Variants in E2F2 observed in about 807,000 individuals in gnomAD.
The protein encoded by E2F2 is E2F transcription factor 2.
Under a neutral mutation model 42.2 loss-of-function variants are expected in E2F2, and 22 were observed. That is an observed-to-expected ratio of 0.52 (90% CI 0.37 to 0.74). The LOEUF is 0.74. E2F2 is among the 30% of genes least tolerant of loss of function. E2F2 has a pLI of 0.00. For missense variants in E2F2, 481 were observed against 557.8 expected (o/e 0.86, Z 1.39); for synonymous variants, 248 against 251.6 (o/e 0.99, Z 0.13).
intron 5 of E2F2, among the ~76,000 whole-genome samples, chr1:23,516,749 C>T (rs1264649768): frequency 7.5e-6 from 1 of 133,974 alleles, no homozygotes; most frequent in African/African-American, 2.9e-5. Flanking sequence ...CTTGATTTTC[C>T]TGTGGGAAAT....
chr1:23,521,087 C>A lies in E2F2; in HGVS notation c.579-16G>T. ...TCCCCTGCCTCTGGGAACAGAGCAG[C>A]CCCCCAGTGTCAGTCTGTGGGTGAA... On this transcript the variant is annotated splice_polypyrimidine_tract_variant and intron_variant, in intron 3 of 6. Coordinates refer to ENST00000361729, the MANE Select transcript of E2F2 (RefSeq NM_004091.4). The A allele has an allele frequency of 6.3e-7, 1 of 1,598,074 alleles. No individual in the cohort carries two copies. The highest frequency in any genetic ancestry group is 1.8e-5 in the Admixed American group (1 of 57,140).
At chr1:23,505,678 ATTTAT>A (rs773241078), downstream of E2F2, among the ~76,000 whole-genome samples, 12 of 151,936 alleles carry the variant, frequency 7.9e-5, no homozygotes, top group East Asian at 1.9e-4. Context: ...ATGCCCGCTA[ATTTAT>A]TTTATTTTTT....
chr1:23,515,704 T>C (rs1643004719), intron 6 of E2F2, among the ~76,000 whole-genome samples: 1 of 151,332 alleles, frequency 6.6e-6, no homozygotes, highest in Non-Finnish European at 1.5e-5. Context: ...AAAATTTTAT[T>C]CTTATTTTTA....
Position 23,522,034 on chromosome 1 carries a change from C to G in E2F2, c.381G>C (p.Lys127Asn). ...GCCCCAGCGAAGTGTCATACCGAGT[C>G]TTCTCCCCGGGGGATTTGGGGGCTG... is the stretch of plus-strand genomic sequence containing the variant. ...SPKTPKSPGE[K>N]TRYDTSLGLL... The change falls in exon 3 of 7, where the codon AAG becomes AAC. Residue 127 changes from lysine (K) to asparagine (N), a missense_variant. Lys to Asn is a moderately conservative substitution (Grantham distance 94, BLOSUM62 0). Transcript: ENST00000361729. 6.2e-7 allele frequency: 1 copy of G among 1,614,162 alleles called. No homozygotes were observed. Among genetic ancestry groups the G allele is most frequent in the African/African-American group, 1.3e-5 (1 of 75,042 alleles).
intron 3 of E2F2, among the ~76,000 whole-genome samples, 189 bp from the exon 4 acceptor site, chr1:23,521,260 A>C (rs901910592): frequency 6.6e-6 from 1 of 151,868 alleles, no homozygotes; most frequent in Non-Finnish European, 1.5e-5. Flanking sequence ...ACAAGTCAAG[A>C]CCTGAACCCC....
chr1:23,512,052 G>A (rs886578489), intron 6 of E2F2, among the ~76,000 whole-genome samples: 5 of 152,036 alleles, frequency 3.3e-5, no homozygotes, highest in Admixed American at 6.6e-5. Flanking sequence ...ACAGAAATTC[G>A]CTGGGTATGG....
At chr1:23,516,867 T>C (rs925537366) in intron 5 of E2F2, among the ~76,000 whole-genome samples, 4 of 148,430 alleles carry the variant, frequency 2.7e-5, no homozygotes, top group African/African-American at 1.0e-4. Context: ...GGAAAGTTAG[T>C]GTGACATGAT....
intron 2 of E2F2, among the ~76,000 whole-genome samples, chr1:23,524,091 A>T (rs1483144536): frequency 3.3e-5 from 4 of 123,008 alleles, no homozygotes; most frequent in African/African-American, 1.3e-4. Flanking sequence ...AACAACAACA[A>T]CAACAACAAC....
At chr1:23,514,334 C>T (rs1642973024) in intron 6 of E2F2, among the ~76,000 whole-genome samples, 1 of 151,934 alleles carries the variant, frequency 6.6e-6, no homozygotes, top group Admixed American at 6.6e-5. Flanking sequence ...GGGAGGTGTC[C>T]CAAGGGACAG....
intron 2 of E2F2, 151 bp from the exon 3 acceptor site, chr1:23,522,207 T>A: frequency 1.4e-6 from 1 of 697,938 alleles, no homozygotes; most frequent in East Asian, 2.7e-5. Flanking sequence ...TCACCACCAC[T>A]GTCCAGACAG....
rs554430423 is a variant in E2F2, at chr1:23,520,189, C to T, written c.737+724G>A. Among the ~76,000 whole-genome samples, 12 of 130,868 alleles carry T rather than the reference C, an allele frequency of 9.2e-5. No individual in the cohort carries two copies. The South Asian group carries it at 2.2e-3, about 24-fold the overall frequency. 85.9% of individuals were successfully genotyped at this position (130,868 alleles called of 152,430 possible). On this transcript the variant is annotated intron_variant, in intron 4 of 6. Transcript: ENST00000361729. Reference sequence around the variant, plus strand: ...AGAACCCAGGAGGTGGAGGTTGCAGCGAGCCGAGATTGTGCCACTGCACTC... The same window carrying T: ...AGAACCCAGGAGGTGGAGGTTGCAGTGAGCCGAGATTGTGCCACTGCACTC...
Position 23,528,246 on chromosome 1 carries a change from G to A in E2F2, c.252+2296C>T, listed in dbSNP as rs2742975. Among the ~76,000 whole-genome samples the A allele has an allele frequency of 4.3e-3, 657 of 152,340 alleles. 7 individuals are homozygous for A. The highest frequency in any genetic ancestry group is 0.015 in the African/African-American group (610 of 41,580). ...AGATCTGGGTTGTGGCCTTCATTCTGCCATTGAACTTGGTTGCCATCCTTG... is the reference window on the plus strand; with the variant it reads ...AGATCTGGGTTGTGGCCTTCATTCTACCATTGAACTTGGTTGCCATCCTTG... On this transcript the variant is annotated intron_variant, in intron 1 of 6. Coordinates refer to ENST00000361729, the MANE Select transcript of E2F2 (RefSeq NM_004091.4).
intron 1 of E2F2, among the ~76,000 whole-genome samples, chr1:23,528,637 G>T (rs1394428558): frequency 6.6e-6 from 1 of 152,168 alleles, no homozygotes; most frequent in Non-Finnish European, 1.5e-5. Flanking sequence ...CGTGAAGAGT[G>T]CCAAGCAGTG....
Position 23,513,562 on chromosome 1 carries a change from A to ATGTGTGTG in E2F2, c.1045+2765_1045+2772dup, listed in dbSNP as rs71023281. On this transcript the variant is annotated intron_variant, in intron 6 of 6. Transcript: ENST00000361729. ...ACTATTTCAGAACACAGCACGGAAC[A>ATGTGTGTG]TGTGTGTGTGTGTGTGTGTGTGTGT... 9.2e-3 allele frequency among the ~76,000 whole-genome samples: 1,244 copies of ATGTGTGTG among 135,246 alleles called. 14 individuals carry two copies. The highest frequency in any genetic ancestry group is 0.025 in the East Asian group (109 of 4,442). The allele number at this position is 135,246 out of a possible 152,430, so 88.7% of individuals were successfully genotyped here.
rs1026008320 is a variant in E2F2, at chr1:23,511,234, C to T, written c.1046-1086G>A. On this transcript the variant is annotated intron_variant, in intron 6 of 6. Coordinates refer to ENST00000361729, the MANE Select transcript of E2F2 (RefSeq NM_004091.4). The stretch of plus-strand genomic sequence containing the variant: ...CACTCTATGCTCATTTCTTTCTCGC[C>T]GCCTTCTTTTTTTTTTTTTGAAACA... Among the ~76,000 whole-genome samples, 6 of 152,010 alleles carry T rather than the reference C, an allele frequency of 3.9e-5. No homozygotes were observed. The East Asian group carries it at 5.8e-4, about 15-fold the overall frequency.
chr1:23,518,549 G>A (rs557872585), intron 5 of E2F2, among the ~76,000 whole-genome samples: 2 of 152,170 alleles, frequency 1.3e-5, no homozygotes, highest in African/African-American at 2.4e-5. Flanking sequence ...GTGCAATGGG[G>A]AAACTGCAGA....
intron 1 of E2F2, among the ~76,000 whole-genome samples, chr1:23,528,090 C>T (rs980199936): frequency 6.6e-6 from 1 of 152,222 alleles, no homozygotes; most frequent in African/African-American, 2.4e-5. Context: ...TGCAAGCCAG[C>T]CTGGGCAGAG....
chr1:23,505,707 G>A (rs1642784721), downstream of E2F2, among the ~76,000 whole-genome samples: 1 of 152,116 alleles, frequency 6.6e-6, no homozygotes, highest in African/African-American at 2.4e-5. Flanking sequence ...TAGAGACGGG[G>A]TTTCACTGTG....
rs1486914225 is a variant in E2F2, at chr1:23,516,534, G to A, written c.853-7C>T. ...GATATATCTGCAGGTTGTCCTGGAG[G>A]AGGAAGAGAAGCCAGGTCATTGCTC... On this transcript the variant is annotated splice_region_variant and splice_polypyrimidine_tract_variant and intron_variant, in intron 5 of 6. Coordinates refer to ENST00000361729, the MANE Select transcript of E2F2 (RefSeq NM_004091.4). 4 of 1,598,952 alleles carry A rather than the reference G, an allele frequency of 2.5e-6. No homozygotes were observed. The highest frequency in any genetic ancestry group is 3.4e-6 in the Non-Finnish European group (4 of 1,172,492).
Sources: gnomAD v4.1 joint callset for allele counts (sites outside exome capture counted in the v4.1 genomes callset) on GRCh38, gnomAD v4.1.1 for gene constraint, MANE v1.5 for transcripts, NCBI Gene and HGNC (gene_info 2026-07-23, HGNC 2026-07-21) for gene names.